Variants in EPCIP observed in about 807,000 individuals in gnomAD.
EPCIP encodes exosomal polycystin 1 interacting protein, also known as exosomal polycystin-1-interacting protein.
At chr21:32,809,180 T>TGC in the EPCIP span, among the ~76,000 whole-genome samples, 1 of 128,110 alleles carries the variant, frequency 7.8e-6, no homozygotes, top group Admixed American at 8.5e-5. Context: ...CCTCGAGGGG[T>TGC]GCGTGTGTGT....
At chr21:32,797,310 G>A in the EPCIP span, 1 of 228,386 alleles carries the variant, frequency 4.4e-6, no homozygotes, top group Non-Finnish European at 8.8e-6. Context: ...GTTCAGTGGT[G>A]CAATCTCAGC....
chr21:32,791,754 G>A, the EPCIP span, among the ~76,000 whole-genome samples: 2 of 151,530 alleles, frequency 1.3e-5, no homozygotes, highest in Non-Finnish European at 2.9e-5. Context: ...AAAAAGTGAT[G>A]TATGTGATCT....
chr21:32,811,200 G>T, the EPCIP span, among the ~76,000 whole-genome samples: 6 of 150,818 alleles, frequency 4.0e-5, no homozygotes, highest in Non-Finnish European at 5.9e-5. Flanking sequence ...GCACTATCTC[G>T]GCTCACTGCA....
At chr21:32,811,673 A>G in the EPCIP span, among the ~76,000 whole-genome samples, 5 of 152,144 alleles carry the variant, frequency 3.3e-5, no homozygotes, top group Non-Finnish European at 7.3e-5. Context: ...TGTGTATAGA[A>G]CCCTCATGCT....
the EPCIP span, among the ~76,000 whole-genome samples, chr21:32,809,296 CTTTCTTTCTTTCTT>C: frequency 8.2e-6 from 1 of 121,348 alleles, no homozygotes; most frequent in Non-Finnish European, 1.7e-5. Flanking sequence ...TTCTTTCTTT[CTTTCTTTCTTTCTT>C]TCTTTCTTTC....
the EPCIP span, among the ~76,000 whole-genome samples, chr21:32,807,485 A>C: frequency 2.0e-5 from 3 of 152,006 alleles, no homozygotes; most frequent in Non-Finnish European, 4.4e-5. Flanking sequence ...GGCATGTGCC[A>C]CCACACCCGG....
At chr21:32,809,165 A>C in the EPCIP span, among the ~76,000 whole-genome samples, 1 of 144,332 alleles carries the variant, frequency 6.9e-6, no homozygotes, top group African/African-American at 2.6e-5. Flanking sequence ...TGTTGTGGGG[A>C]CAAGCCTCGA....
chr21:32,809,300 C>CTT, the EPCIP span, among the ~76,000 whole-genome samples: 4 of 125,052 alleles, frequency 3.2e-5, no homozygotes, highest in African/African-American at 1.2e-4. Flanking sequence ...TTCTTTCTTT[C>CTT]TTTCTTTCTT....
the EPCIP span, chr21:32,794,262 A>G: frequency 6.2e-7 from 1 of 1,614,262 alleles, no homozygotes; most frequent in Non-Finnish European, 8.5e-7. Flanking sequence ...GCCAAACTGT[A>G]GTCACAATCC....
chr21:32,791,120 A>T, the EPCIP span: 111,241 of 152,130 alleles, frequency 0.73, 41,156 homozygotes, highest in East Asian at 0.91. Flanking sequence ...AAATGCCATT[A>T]ATCCCCATGC....
the EPCIP span, among the ~76,000 whole-genome samples, chr21:32,807,204 C>T: frequency 1.3e-5 from 2 of 152,088 alleles, no homozygotes; most frequent in East Asian, 1.9e-4. Context: ...TTGCTGATTG[C>T]GGTTTCCCCA....
At chr21:32,808,200 G>C in the EPCIP span, among the ~76,000 whole-genome samples, 1 of 152,076 alleles carries the variant, frequency 6.6e-6, no homozygotes, top group Non-Finnish European at 1.5e-5. Flanking sequence ...AGCTAACTCA[G>C]GGAGAGCTTT....
At chr21:32,801,251 G>A in the EPCIP span, among the ~76,000 whole-genome samples, 2 of 152,206 alleles carry the variant, frequency 1.3e-5, no homozygotes, top group Non-Finnish European at 2.9e-5. Context: ...ATATCTTGAA[G>A]TTTGTCAAAG....
the EPCIP span, among the ~76,000 whole-genome samples, chr21:32,809,309 T>A: frequency 7.0e-6 from 1 of 143,854 alleles, no homozygotes; most frequent in Admixed American, 7.1e-5. Flanking sequence ...TCTTTCTTTC[T>A]TTCTTTCTTT....
chr21:32,794,516 C>G, the EPCIP span: 1 of 1,185,752 alleles, frequency 8.4e-7, no homozygotes, highest in South Asian at 1.5e-5. Context: ...TTATCACAAC[C>G]TTTCATTTGA....
chr21:32,803,450 C>T, the EPCIP span, among the ~76,000 whole-genome samples: 2 of 152,116 alleles, frequency 1.3e-5, no homozygotes, highest in African/African-American at 4.8e-5. Context: ...CCCCTCTTCC[C>T]GTTGAGGTCA....
At chr21:32,799,224 G>A in the EPCIP span, among the ~76,000 whole-genome samples, 1 of 152,190 alleles carries the variant, frequency 6.6e-6, no homozygotes, top group Non-Finnish European at 1.5e-5. Context: ...GAGCATGGGT[G>A]AGCATTGCAA....
the EPCIP span, among the ~76,000 whole-genome samples, chr21:32,802,365 A>C: frequency 6.6e-6 from 1 of 152,174 alleles, no homozygotes; most frequent in Non-Finnish European, 1.5e-5. Context: ...TTGGCTTGCA[A>C]ACCTCCTGTG....
chr21:32,808,249 T>C, the EPCIP span, among the ~76,000 whole-genome samples: 1 of 151,304 alleles, frequency 6.6e-6, no homozygotes, highest in Non-Finnish European at 1.5e-5. Flanking sequence ...AGTGTGAAGT[T>C]GCCAAGGAAA....
Sources: allele counts gnomAD v4.1 joint callset (sites outside exome capture counted in the v4.1 genomes callset), GRCh38; gene constraint gnomAD v4.1.1; transcripts MANE v1.5; gene names NCBI Gene and HGNC (gene_info 2026-07-23, HGNC 2026-07-21).